Variants in FBXL20 observed in about 807,000 individuals in gnomAD.
The protein encoded by FBXL20 is F-box and leucine rich repeat protein 20.
A neutral mutation model predicts 64.0 loss-of-function variants in FBXL20; 11 were observed. The observed-to-expected ratio is 0.17, with a 90% CI of 0.11 to 0.28. The LOEUF is 0.28. Among genes scored for constraint, FBXL20 ranks in the 10% least tolerant of loss-of-function variants. The pLI, the probability that FBXL20 is intolerant of heterozygous loss-of-function variation, is 1.00. For missense variants in FBXL20, 303 were observed against 526.2 expected, an observed-to-expected ratio of 0.58 and a Z score of 4.15; for synonymous variants, 184 against 189.0, an observed-to-expected ratio of 0.97 and a Z score of 0.22.
intron 6 of FBXL20, among the ~76,000 whole-genome samples, chr17:39,288,903 CTG>C (rs2047012511): frequency 6.6e-6 from 1 of 152,086 alleles, no homozygotes; most frequent in African/African-American, 2.4e-5. Context: ...CAGGGTTTCA[CTG>C]TGTTAGTCAG....
chr17:39,325,620 G>C (rs746581808), intron 2 of FBXL20, among the ~76,000 whole-genome samples: 2 of 152,090 alleles, frequency 1.3e-5, no homozygotes, highest in African/African-American at 4.8e-5. Flanking sequence ...ACCTGCAAAG[G>C]AAAACTAGAG....
At chr17:39,320,784 G>A (rs1466807750) in intron 2 of FBXL20, among the ~76,000 whole-genome samples, 1 of 151,742 alleles carries the variant, frequency 6.6e-6, no homozygotes, top group Non-Finnish European at 1.5e-5. Context: ...TTGTAGAGAT[G>A]GGGCTTCACC....
At chr17:39,313,256 T>C (rs1289575693) in intron 2 of FBXL20, among the ~76,000 whole-genome samples, 1 of 150,948 alleles carries the variant, frequency 6.6e-6, no homozygotes, top group East Asian at 2.0e-4. Flanking sequence ...TTTTCTGAGA[T>C]GGAGTCTCAC....
At chr17:39,333,399 G>C (rs1260462038) in intron 2 of FBXL20, among the ~76,000 whole-genome samples, 1 of 152,220 alleles carries the variant, frequency 6.6e-6, no homozygotes, top group African/African-American at 2.4e-5. Context: ...TGCCAGCCTC[G>C]GCCTCCCGAG....
chr17:39,299,186 C>T, intron 4 of FBXL20, 102 bp from the exon 5 acceptor site: 1 of 776,820 alleles, frequency 1.3e-6, no homozygotes, highest in South Asian at 1.9e-5. Context: ...GAAAATGCTT[C>T]TATTATGACC....
intron 1 of FBXL20, among the ~76,000 whole-genome samples, chr17:39,371,454 G>C (rs1346864820): frequency 1.3e-5 from 2 of 151,942 alleles, no homozygotes; most frequent in Non-Finnish European, 1.5e-5. Flanking sequence ...TTGGCTGCAG[G>C]CATTCTACAG....
intron 2 of FBXL20, among the ~76,000 whole-genome samples, chr17:39,308,755 C>T (rs1044509131): frequency 7.9e-5 from 12 of 151,708 alleles, no homozygotes; most frequent in Middle Eastern, 3.4e-3. Context: ...TCAGTAGAGA[C>T]GGGGTTTCAC....
intron 2 of FBXL20, among the ~76,000 whole-genome samples, chr17:39,320,212 T>C (rs1162925895): frequency 6.6e-6 from 1 of 152,094 alleles, no homozygotes; most frequent in Admixed American, 6.6e-5. Flanking sequence ...GTGCAAAATT[T>C]GGTAGATCAA....
At chr17:39,327,218 G>A (rs143655514) in intron 2 of FBXL20, among the ~76,000 whole-genome samples, 2 of 152,134 alleles carry the variant, frequency 1.3e-5, no homozygotes, top group African/African-American at 4.8e-5. Flanking sequence ...TGGGATTATA[G>A]CCATGCACCA....
chr17:39,396,583 C>A (rs930293594), intron 1 of FBXL20, among the ~76,000 whole-genome samples: 1 of 131,938 alleles, frequency 7.6e-6, no homozygotes, highest in Admixed American at 8.1e-5. Flanking sequence ...GCGACAAAAG[C>A]GAAACTCCGT....
chr17:39,314,713 CCA>C (rs941095909), intron 2 of FBXL20, among the ~76,000 whole-genome samples: 6 of 151,656 alleles, frequency 4.0e-5, no homozygotes, highest in Non-Finnish European at 7.4e-5. Flanking sequence ...AAGCTGTGTT[CCA>C]CAGTGGCTGT....
intron 1 of FBXL20, among the ~76,000 whole-genome samples, chr17:39,359,176 AT>A (rs1241642345): frequency 6.6e-6 from 1 of 151,876 alleles, no homozygotes; most frequent in East Asian, 1.9e-4. Flanking sequence ...TACAAAAAAA[AT>A]ATAAAAAATT....
chr17:39,270,022 G>T (rs2046829344), intron 11 of FBXL20, among the ~76,000 whole-genome samples: 1 of 152,198 alleles, frequency 6.6e-6, no homozygotes, highest in Non-Finnish European at 1.5e-5. Flanking sequence ...ACTGGTCAAA[G>T]TCAGTATAAT....
chr17:39,350,261 C>G (rs138694826), intron 1 of FBXL20, among the ~76,000 whole-genome samples: 1 of 152,104 alleles, frequency 6.6e-6, no homozygotes, highest in Non-Finnish European at 1.5e-5. Context: ...GAGGCCAAGG[C>G]GGGCTGATCA....
intron 2 of FBXL20, among the ~76,000 whole-genome samples, chr17:39,330,294 C>T (rs2047448340): frequency 6.7e-6 from 1 of 150,156 alleles, no homozygotes; most frequent in African/African-American, 2.5e-5. Context: ...AAGACTCTGT[C>T]TCAAAAAATA....
chr17:39,343,915 G>C (rs2047607042), intron 1 of FBXL20, among the ~76,000 whole-genome samples: 1 of 152,160 alleles, frequency 6.6e-6, no homozygotes, highest in African/African-American at 2.4e-5. Flanking sequence ...CCAGGCTGGA[G>C]TGCAGTGGTG....
chr17:39,346,944 T>C (rs1290391382), intron 1 of FBXL20, among the ~76,000 whole-genome samples: 2 of 151,128 alleles, frequency 1.3e-5, no homozygotes, highest in Non-Finnish European at 2.9e-5. Context: ...CATGTGGTGT[T>C]TGGTTTTCTG....
intron 2 of FBXL20, among the ~76,000 whole-genome samples, chr17:39,322,774 G>C (rs899422013): frequency 6.6e-6 from 1 of 151,948 alleles, no homozygotes; most frequent in African/African-American, 2.4e-5. Flanking sequence ...AAACTCAAAA[G>C]TTAACCTCAT....
At position 39,261,172 on chromosome 17, in the gene FBXL20, T is replaced by C. The variant is rs2046741846; in HGVS notation, c.*288A>G. 1 of 324,938 alleles carries C rather than the reference T, an allele frequency of 3.1e-6. No individual in the cohort carries two copies. Among genetic ancestry groups the C allele is most frequent in the South Asian group, 3.1e-5 (1 of 32,520 alleles). The allele number at this position is 324,938 out of a possible 1,614,324, so 20.1% of individuals were successfully genotyped here. Reference sequence around the variant, plus strand: ...GTTTGCTGGAATGCCCCTCCCTATCTTGGCCTATGATTTTCTTATGGGCAC... The same window carrying C: ...GTTTGCTGGAATGCCCCTCCCTATCCTGGCCTATGATTTTCTTATGGGCAC... On this transcript the variant is annotated 3_prime_UTR_variant, in exon 15 of 15. Coordinates refer to ENST00000264658, the MANE Select transcript of FBXL20 (RefSeq NM_032875.3).
Sources: gnomAD v4.1 joint callset for allele counts (sites outside exome capture counted in the v4.1 genomes callset) on GRCh38, gnomAD v4.1.1 for gene constraint, MANE v1.5 for transcripts, NCBI Gene and HGNC (gene_info 2026-07-23, HGNC 2026-07-21) for gene names.